The following UMPS variants were observed in gnomAD, a reference collection of about 807,000 sequenced individuals.
UMPS encodes the protein uridine monophosphate synthetase, also known as uridine 5'-monophosphate synthase.
In UMPS, 21 loss-of-function variants were observed where a neutral mutation model predicts 38.9. That is an observed-to-expected ratio of 0.54 (90% CI 0.38 to 0.78). The LOEUF is 0.78. UMPS is among the 30% of genes least tolerant of loss of function. UMPS has a pLI of 0.00. For missense variants in UMPS, 533 were observed against 591.6 expected, an observed-to-expected ratio of 0.90 and a Z score of 1.03; for synonymous variants, 208 against 219.3, an observed-to-expected ratio of 0.95 and a Z score of 0.45.
rs2063609744 is a variant in UMPS, at chr3:124,747,290, C to G, written c.*3206C>G. 2.2e-6 allele frequency: 1 copy of G among 455,020 alleles called. No homozygotes were observed. The highest frequency in any genetic ancestry group is 4.4e-6 in the Non-Finnish European group (1 of 226,620). The allele number at this position is 455,020 out of a possible 1,614,324, so 28.2% of individuals were successfully genotyped here. A position where few individuals can be genotyped will look rare whatever the true frequency, so the allele number is the denominator to read the frequency against. ...ACACCACTCCAGTTGCAGTGGTTGC[C>G]ATCTGGGTCATCAGACCTGGCTGTC... On this transcript the variant is annotated 3_prime_UTR_variant, in exon 6 of 6. Coordinates refer to ENST00000232607, the MANE Select transcript of UMPS (RefSeq NM_000373.4).
intron 5 of UMPS, among the ~76,000 whole-genome samples, chr3:124,742,895 C>A (rs2150901201): frequency 6.6e-6 from 1 of 152,056 alleles, no homozygotes; most frequent in African/African-American, 2.4e-5. Flanking sequence ...TGATATTGAA[C>A]CTTTCTTTGC....
At chr3:124,735,969 C>G (rs1275566687) in intron 2 of UMPS, among the ~76,000 whole-genome samples, 1 of 149,294 alleles carries the variant, frequency 6.7e-6, no homozygotes, top group Non-Finnish European at 1.5e-5. Flanking sequence ...AAAGTGAGAC[C>G]CTATTTCAAA....
chr3:124,743,688 C>T (rs1579137949), intron 5 of UMPS, among the ~76,000 whole-genome samples: 2 of 151,848 alleles, frequency 1.3e-5, no homozygotes. Context: ...ATAAAATAAA[C>T]TTTACCATTG....
intron 1 of UMPS, among the ~76,000 whole-genome samples, chr3:124,734,221 G>A (rs747824167): frequency 2.0e-5 from 3 of 151,676 alleles, no homozygotes; most frequent in Non-Finnish European, 2.9e-5. Flanking sequence ...GTAAACCTAT[G>A]ATCTAGTTCA....
intron 2 of UMPS, 139 bp downstream of exon 2, chr3:124,735,385 T>G: frequency 2.4e-6 from 2 of 826,248 alleles, no homozygotes; most frequent in Non-Finnish European, 3.8e-6. Flanking sequence ...AATTTATAAT[T>G]GTTACTATAA....
At chr3:124,741,756 G>A (rs539283389) in intron 4 of UMPS, among the ~76,000 whole-genome samples, 17 of 152,268 alleles carry the variant, frequency 1.1e-4, no homozygotes, top group East Asian at 1.9e-4. Context: ...TCTGCTTTAC[G>A]TATGGTTTAT....
chr3:124,744,217 C>G lies in UMPS; in HGVS notation c.*133C>G. On this transcript the variant is annotated 3_prime_UTR_variant, in exon 6 of 6. Coordinates refer to ENST00000232607, the MANE Select transcript of UMPS (RefSeq NM_000373.4). ...CACAGGGCCTGTGTAAGAATGGGTTCTGGAGTTCTCATGGTCTTTAGGAAA... is the reference window on the plus strand; with the variant it reads ...CACAGGGCCTGTGTAAGAATGGGTTGTGGAGTTCTCATGGTCTTTAGGAAA... 1 of 1,030,010 alleles carries G rather than the reference C, an allele frequency of 9.7e-7. No homozygotes were observed. The highest frequency in any genetic ancestry group is 1.5e-6 in the Non-Finnish European group (1 of 680,592). 63.8% of individuals were successfully genotyped at this position (1,030,010 alleles called of 1,614,324 possible).
intron 1 of UMPS, among the ~76,000 whole-genome samples, chr3:124,731,216 CAAAT>C (rs10562112): frequency 0.25 from 37,531 of 151,826 alleles, 4,856 homozygotes; most frequent in Middle Eastern, 0.38. Context: ...AAAAAACAAA[CAAAT>C]AGACCGGGAA....
rs17843808 is a variant in UMPS at position 124,735,980 on chromosome 3, C to CA, written c.310+742dup. 7.6e-3 allele frequency among the ~76,000 whole-genome samples: 1,146 copies of CA among 150,494 alleles called. 12 individuals carry two copies. Among genetic ancestry groups the CA allele is most frequent in the African/African-American group, 0.026 (1,057 of 40,964 alleles). On this transcript the variant is annotated intron_variant, in intron 2 of 5. Transcript: ENST00000232607. ...CGACAAAGTGAGACCCTATTTCAAA[C>CA]AAAAAAAACCCTGAAAATTGGCCAG...
Position 124,748,144 on chromosome 3 carries a change from G to C in UMPS, c.*4060G>C. On this transcript the variant is annotated 3_prime_UTR_variant, in exon 6 of 6. Transcript: ENST00000232607. ...TAAATAATACTATATTGCCCAGGCT[G>C]GTCTCGAACTCCTTAGCTCAAGTGA... The C allele has an allele frequency of 2.3e-6, 1 of 437,112 alleles. No individual in the cohort carries two copies. The highest frequency in any genetic ancestry group is 1.7e-5 in the South Asian group (1 of 59,408). 27.1% of individuals were successfully genotyped at this position (437,112 alleles called of 1,614,324 possible). A position where few individuals can be genotyped will look rare whatever the true frequency, so the allele number is the denominator to read the frequency against.
In UMPS at chr3:124,749,007, C is replaced by T. The variant is rs1328652304; in HGVS notation, c.*4923C>T. ...ATGTCTTCGGGGGTGCCCTTGTGCA[C>T]AGACAGCTCCATAGTCCTGCCTCCA... On this transcript the variant is annotated 3_prime_UTR_variant, in exon 6 of 6. Coordinates refer to ENST00000232607, the MANE Select transcript of UMPS (RefSeq NM_000373.4). The T allele has an allele frequency of 6.6e-6, 3 of 453,976 alleles. No homozygotes were observed. The highest frequency in any genetic ancestry group is 2.0e-5 in the African/African-American group (1 of 50,006). 28.1% of individuals were successfully genotyped at this position (453,976 alleles called of 1,614,324 possible).
chr3:124,734,004 C>T (rs1224507566), intron 1 of UMPS, among the ~76,000 whole-genome samples: 5 of 151,962 alleles, frequency 3.3e-5, no homozygotes, highest in African/African-American at 1.2e-4. Context: ...TTTCATAGTC[C>T]AGCAATTTCA....
At position 124,748,866 on chromosome 3, in the gene UMPS, G is replaced by A. The variant is rs2063624147; in HGVS notation, c.*4782G>A. 2.3e-6 allele frequency: 1 copy of A among 426,912 alleles called. No homozygotes were observed. The highest frequency in any genetic ancestry group is 4.7e-6 in the Non-Finnish European group (1 of 214,266). 26.4% of individuals were successfully genotyped at this position (426,912 alleles called of 1,614,324 possible). ...TGAATTCTCCTGTTTTTCTGAAAAG[G>A]GCATGGGAGTTAGCTGAGAAGCAGA... On this transcript the variant is annotated 3_prime_UTR_variant, in exon 6 of 6. Transcript: ENST00000232607.
chr3:124,743,348 A>AATAAG (rs2063570153), intron 5 of UMPS, among the ~76,000 whole-genome samples: 1 of 150,578 alleles, frequency 6.6e-6, no homozygotes, highest in Non-Finnish European at 1.5e-5. Context: ...AAATAAATAA[A>AATAAG]TAAATAGGGC....
chr3:124,734,842 A>G (rs17843803), intron 1 of UMPS, among the ~76,000 whole-genome samples: 2,052 of 152,216 alleles, frequency 0.013, 37 homozygotes, highest in East Asian at 0.056. Context: ...AACATAGTGA[A>G]ACCCCATCTC....
intron 5 of UMPS, 58 bp from the exon 6 acceptor site, chr3:124,743,857 G>A: frequency 1.2e-6 from 2 of 1,604,312 alleles, no homozygotes; most frequent in Non-Finnish European, 1.7e-6. Context: ...GAGAAGTCAT[G>A]TGACAGGTTT....
At chr3:124,734,764 T>C (rs1340128122) in intron 1 of UMPS, among the ~76,000 whole-genome samples, 1 of 152,236 alleles carries the variant, frequency 6.6e-6, no homozygotes, top group Non-Finnish European at 1.5e-5. Context: ...CTCACGCCTG[T>C]AATCCCAGCA....
Position 124,744,558 on chromosome 3 carries a change from A to G in UMPS, c.*474A>G, listed in dbSNP as rs921931112. 4.0e-5 allele frequency: 18 copies of G among 453,814 alleles called. No individual in the cohort carries two copies. The highest frequency in any genetic ancestry group is 1.6e-4 in the Admixed American group (7 of 42,530). The allele number at this position is 453,814 out of a possible 1,614,324, so 28.1% of individuals were successfully genotyped here. On this transcript the variant is annotated 3_prime_UTR_variant, in exon 6 of 6. Coordinates refer to ENST00000232607, the MANE Select transcript of UMPS (RefSeq NM_000373.4). ...AGATTAGCTGGTGCTATAGGCATGC[A>G]CCACCACGTCCATCTAAATTTCTTT...
intron 4 of UMPS, among the ~76,000 whole-genome samples, chr3:124,741,634 T>G (rs765253148): frequency 6.6e-6 from 1 of 152,172 alleles, no homozygotes; most frequent in African/African-American, 2.4e-5. Context: ...CATTATAATA[T>G]GTTCTAGAGT....
Sources: allele counts gnomAD v4.1 joint callset (sites outside exome capture counted in the v4.1 genomes callset), GRCh38; gene constraint gnomAD v4.1.1; transcripts MANE v1.5; gene names NCBI Gene and HGNC (gene_info 2026-07-23, HGNC 2026-07-21).